Variants in FOXP2 observed in about 807,000 individuals in gnomAD.
FOXP2 encodes forkhead box protein P2.
Under a neutral mutation model 115.8 loss-of-function variants are expected in FOXP2, and 12 were observed. The ratio of observed to expected loss-of-function variants is 0.10; its 90% CI spans 0.07 to 0.17. The LOEUF is 0.17. Among genes scored for constraint, FOXP2 ranks in the 10% least tolerant of loss-of-function variants. FOXP2 has a pLI of 1.00. For synonymous variants in FOXP2, 328 were observed against 297.7 expected (o/e 1.10, Z -1.05); for missense variants, 629 against 843.5 (o/e 0.75, Z 3.15).
chr7:114,316,183 T>C (rs1388021004), intron 2 of FOXP2, among the ~76,000 whole-genome samples: 1 of 152,230 alleles, frequency 6.6e-6, no homozygotes, highest in Non-Finnish European at 1.5e-5. Context: ...TGTCTGTGAA[T>C]GGCCACAAAA....
chr7:114,177,623 G>T (rs1299366419), intron 1 of FOXP2, among the ~76,000 whole-genome samples: 1 of 151,928 alleles, frequency 6.6e-6, no homozygotes, highest in Admixed American at 6.6e-5. Context: ...ATTATAACTT[G>T]AAGTGGGATG....
chr7:114,242,835 G>A (rs1386992096), intron 1 of FOXP2, among the ~76,000 whole-genome samples: 3 of 152,098 alleles, frequency 2.0e-5, no homozygotes, highest in African/African-American at 7.2e-5. Context: ...GCTAGCTCAA[G>A]CTGGTTTCCT....
intron 1 of FOXP2, among the ~76,000 whole-genome samples, chr7:114,206,396 C>T (rs1434399199): frequency 1.3e-5 from 2 of 152,096 alleles, no homozygotes; most frequent in African/African-American, 4.8e-5. Flanking sequence ...CTCAAACATG[C>T]CAGGTTATCT....
chr7:114,620,369 G>T (rs1031056208), intron 3 of FOXP2, among the ~76,000 whole-genome samples: 4 of 151,954 alleles, frequency 2.6e-5, no homozygotes, highest in African/African-American at 9.7e-5. Flanking sequence ...GATCCTAACT[G>T]CCAGATCTGA....
chr7:114,351,930 T>C (rs1255896669), intron 2 of FOXP2, among the ~76,000 whole-genome samples: 1 of 152,126 alleles, frequency 6.6e-6, no homozygotes, highest in Admixed American at 6.6e-5. Context: ...ACTAATTATA[T>C]GTCAGATGTT....
chr7:114,583,570 C>A (rs1801975741), intron 3 of FOXP2, among the ~76,000 whole-genome samples: 2 of 152,082 alleles, frequency 1.3e-5, no homozygotes. Flanking sequence ...TTGTACTGAT[C>A]TATCTTTCTT....
At chr7:114,355,858 C>T (rs1364233199) in intron 2 of FOXP2, among the ~76,000 whole-genome samples, 1 of 152,094 alleles carries the variant, frequency 6.6e-6, no homozygotes, top group South Asian at 2.1e-4. Flanking sequence ...GTCCTAGGCT[C>T]CCTACTTTGT....
intron 16 of FOXP2, chr7:114,669,264 CAGCAAAAAGTAGGAAAGGTTAA>C (rs1807357125): frequency 6.6e-6 from 1 of 151,852 alleles, no homozygotes; most frequent in South Asian, 2.1e-4. Flanking sequence ...AAGGGGATTT[CAGCAAAAAGTAGGAAAGGTTAA>C]AGCCAGGCGA....
chr7:114,363,821 T>C (rs1160061423), intron 2 of FOXP2, among the ~76,000 whole-genome samples: 2 of 152,120 alleles, frequency 1.3e-5, no homozygotes, highest in African/African-American at 4.8e-5. Flanking sequence ...TGTGTATATA[T>C]GTGTATTTAA....
intron 2 of FOXP2, among the ~76,000 whole-genome samples, chr7:114,354,514 C>T (rs1007746033): frequency 6.6e-6 from 1 of 152,106 alleles, no homozygotes; most frequent in Admixed American, 6.6e-5. Context: ...AAAATGCCAA[C>T]AGTGATGAAT....
At chr7:114,086,706 G>T (rs1192211136), upstream of FOXP2, 2 of 233,098 alleles carry the variant, frequency 8.6e-6, no homozygotes, top group Non-Finnish European at 1.7e-5. Flanking sequence ...ACTTTACTCT[G>T]CTCCGCGCTC....
chr7:114,541,266 T>C (rs1799647192), intron 3 of FOXP2, among the ~76,000 whole-genome samples: 1 of 151,964 alleles, frequency 6.6e-6, no homozygotes, highest in Non-Finnish European at 1.5e-5. Flanking sequence ...GATGAATCCA[T>C]GGTAGTAGAG....
chr7:114,251,506 A>G (rs1463089738), intron 1 of FOXP2, among the ~76,000 whole-genome samples: 1 of 152,100 alleles, frequency 6.6e-6, no homozygotes, highest in Non-Finnish European at 1.5e-5. Flanking sequence ...TCGAAGAAAT[A>G]CTTCACATCC....
At chr7:114,453,674 C>T (rs1402315141) in intron 2 of FOXP2, among the ~76,000 whole-genome samples, 8 of 151,920 alleles carry the variant, frequency 5.3e-5, no homozygotes, top group Admixed American at 3.3e-4. Flanking sequence ...CATTTGTCCC[C>T]GATTCTCATT....
intron 2 of FOXP2, among the ~76,000 whole-genome samples, chr7:114,354,901 T>C (rs556228091): frequency 1.3e-5 from 2 of 152,354 alleles, no homozygotes; most frequent in Admixed American, 6.5e-5. Context: ...GATGTACACA[T>C]TTATTGACAA....
intron 3 of FOXP2, among the ~76,000 whole-genome samples, chr7:114,601,762 T>C (rs559934645): frequency 6.6e-6 from 1 of 152,254 alleles, no homozygotes; most frequent in African/African-American, 2.4e-5. Context: ...CATCATTTTA[T>C]TTCAAATATT....
At chr7:114,490,588 T>G (rs200717384) in intron 2 of FOXP2, among the ~76,000 whole-genome samples, 10 of 152,104 alleles carry the variant, frequency 6.6e-5, no homozygotes, top group Non-Finnish European at 1.5e-4. Context: ...ATGTGCCATG[T>G]TGGTGTGCTG....
intron 1 of FOXP2, among the ~76,000 whole-genome samples, chr7:114,127,982 T>C (rs1183315704): frequency 6.6e-6 from 1 of 152,180 alleles, no homozygotes; most frequent in South Asian, 2.1e-4. Flanking sequence ...ATAGTAATGA[T>C]ATAAATTTTC....
intron 3 of FOXP2, among the ~76,000 whole-genome samples, chr7:114,600,211 A>T (rs1802947266): frequency 6.6e-6 from 1 of 152,124 alleles, no homozygotes; most frequent in Non-Finnish European, 1.5e-5. Flanking sequence ...GAAACCACTG[A>T]TATTTTTAAT....
Sources: gnomAD v4.1 joint callset for allele counts (sites outside exome capture counted in the v4.1 genomes callset) on GRCh38, gnomAD v4.1.1 for gene constraint, MANE v1.5 for transcripts, NCBI Gene and HGNC (gene_info 2026-07-23, HGNC 2026-07-21) for gene names.